AACS: variants seen among roughly 807,000 people sequenced by gnomAD.
AACS encodes acetoacetyl-CoA synthetase, also known as acetoacetate-CoA ligase.
In AACS, 69 loss-of-function variants were observed where a neutral mutation model predicts 83.1. The ratio of observed to expected loss-of-function variants is 0.83; its 90% CI spans 0.68 to 1.01. The LOEUF is 1.01. Among genes scored for constraint, AACS ranks in the 50% least tolerant of loss-of-function variants. AACS has a pLI of 0.00. For missense variants in AACS, 866 were observed against 882.2 expected, an observed-to-expected ratio of 0.98 and a Z score of 0.23; for synonymous variants, 333 against 343.4, an observed-to-expected ratio of 0.97 and a Z score of 0.33.
At chr12:125,115,998 T>C (rs184570507) in intron 9 of AACS, among the ~76,000 whole-genome samples, 99 of 152,250 alleles carry the variant, frequency 6.5e-4, no homozygotes, top group Admixed American at 1.6e-3. Flanking sequence ...CCCTCCCTGC[T>C]CTCTGTGACC....
chr12:125,140,636 G>A lies in AACS; in HGVS notation c.1882-1456G>A, dbSNP rs1486258952. On this transcript the variant is annotated intron_variant, in intron 17 of 17. Transcript: ENST00000316519. The surrounding 1 kb of genome is among the most constrained non-coding windows in gnomAD (Gnocchi z 5.1). ...AAAAAAAAAAAAGGCGCCAGTGATC[G>A]AGGACTCGTCACTGGGCTCTGTTGC... 6.6e-6 allele frequency: 1 copy of A among 151,062 alleles called. No homozygotes were observed. The highest frequency in any genetic ancestry group is 1.5e-5 in the Non-Finnish European group (1 of 67,904). 9.4% of individuals were successfully genotyped at this position (151,062 alleles called of 1,614,324 possible).
At chr12:125,099,534 C>A (rs565169575) in intron 5 of AACS, among the ~76,000 whole-genome samples, 2 of 152,302 alleles carry the variant, frequency 1.3e-5, no homozygotes, top group South Asian at 4.1e-4. Flanking sequence ...CATGCTTCAG[C>A]TTAGTCACCT....
At chr12:125,115,615 C>A (rs891378105) in intron 9 of AACS, among the ~76,000 whole-genome samples, 7 of 152,184 alleles carry the variant, frequency 4.6e-5, no homozygotes, top group Non-Finnish European at 8.8e-5. Flanking sequence ...CCTGTGAGGT[C>A]AATGCCCAGG....
At chr12:125,128,310 G>C (rs758231320) in intron 13 of AACS, 36 bp downstream of exon 13, 90 of 1,578,346 alleles carry the variant, frequency 5.7e-5, no homozygotes, top group African/African-American at 1.3e-5. Context: ...TCTGTGATTA[G>C]GCGTGAGTTG....
intron 14 of AACS, among the ~76,000 whole-genome samples, chr12:125,133,422 C>T (rs1417667469): frequency 1.3e-5 from 2 of 152,236 alleles, no homozygotes; most frequent in Non-Finnish European, 2.9e-5. Flanking sequence ...CACTGTGTTG[C>T]TGTCATCCCT....
chr12:125,066,064 G>T (rs1360631832), intron 1 of AACS, among the ~76,000 whole-genome samples: 1 of 152,142 alleles, frequency 6.6e-6, no homozygotes, highest in Non-Finnish European at 1.5e-5. Flanking sequence ...CGGCCTGTGG[G>T]GGCTTCCCCC....
At chr12:125,110,896 C>A (rs150568314) in intron 8 of AACS, among the ~76,000 whole-genome samples, 1 of 152,274 alleles carries the variant, frequency 6.6e-6, no homozygotes, top group Non-Finnish European at 1.5e-5. Context: ...GTATTTTCAT[C>A]AGAATGTGGA....
Position 125,065,467 on chromosome 12 carries a change from C to A in AACS, c.-118C>A. ...TGTTCCCCGCCGCCGCCGTCGCTGACCCAGCCCGCCAGGCGCTCCTGACCG... is the reference window on the plus strand; with the variant it reads ...TGTTCCCCGCCGCCGCCGTCGCTGAACCAGCCCGCCAGGCGCTCCTGACCG... On this transcript the variant is annotated 5_prime_UTR_variant, in exon 1 of 18. Coordinates refer to ENST00000316519, the MANE Select transcript of AACS (RefSeq NM_023928.5). 1 of 1,162,378 alleles carries A rather than the reference C, an allele frequency of 8.6e-7. No homozygotes were observed. The allele number at this position is 1,162,378 out of a possible 1,614,324, so 72.0% of individuals were successfully genotyped here. A position where few individuals can be genotyped will look rare whatever the true frequency, so the allele number is the denominator to read the frequency against.
intron 2 of AACS, among the ~76,000 whole-genome samples, chr12:125,075,437 G>A (rs191221318): frequency 1.5e-3 from 214 of 147,392 alleles, no homozygotes; most frequent in African/African-American, 5.1e-3. Context: ...GATTACAGGC[G>A]CCCGCCACCA....
At chr12:125,137,659 G>A (rs1402818240) in intron 17 of AACS, among the ~76,000 whole-genome samples, 2 of 152,174 alleles carry the variant, frequency 1.3e-5, no homozygotes, top group Non-Finnish European at 2.9e-5. Context: ...GGGAGGAGGA[G>A]GGTCACCCAA....
chr12:125,116,760 C>T (rs970916914), intron 9 of AACS, among the ~76,000 whole-genome samples: 6 of 152,058 alleles, frequency 3.9e-5, no homozygotes, highest in Admixed American at 6.6e-5. Context: ...CCACCGCGCC[C>T]GGCCTCCCGA....
chr12:125,134,676 G>A (rs1308826224), intron 15 of AACS, 118 bp from the exon 16 acceptor site: 50 of 1,105,784 alleles, frequency 4.5e-5, no homozygotes, highest in Non-Finnish European at 6.0e-5. Context: ...CGGAGTGTCC[G>A]TGACTAGTCC....
intron 3 of AACS, among the ~76,000 whole-genome samples, chr12:125,079,490 T>C (rs973541578): frequency 6.6e-6 from 1 of 152,008 alleles, no homozygotes; most frequent in African/African-American, 2.4e-5. Flanking sequence ...CAAGCGATCC[T>C]CCCACCTTAG....
At chr12:125,126,583 T>TC (rs1957248343) in intron 12 of AACS, 1 of 152,046 alleles carries the variant, frequency 6.6e-6, no homozygotes, top group Non-Finnish European at 1.5e-5. Flanking sequence ...GGGTCAGTTT[T>TC]TTTTTTTTTT....
rs980291025 is a variant in AACS at position 125,088,377 on chromosome 12, C to T, written c.472+1934C>T. Among the ~76,000 whole-genome samples, 17 of 151,970 alleles carry T rather than the reference C, an allele frequency of 1.1e-4. 1 individual carries two copies. The highest frequency in any genetic ancestry group is 2.9e-5 in the Non-Finnish European group (2 of 68,014). ...CCTCCTGAGTAGCTGGGACTACAGG[C>T]ACGTGCCACCATGCCTGGCTAATTT... is the stretch of plus-strand genomic sequence containing the variant. On this transcript the variant is annotated intron_variant, in intron 4 of 17. Coordinates refer to ENST00000316519, the MANE Select transcript of AACS (RefSeq NM_023928.5).
intron 4 of AACS, among the ~76,000 whole-genome samples, chr12:125,087,783 T>C (rs1485205163): frequency 1.3e-5 from 2 of 152,210 alleles, no homozygotes; most frequent in Non-Finnish European, 2.9e-5. Context: ...CAGGCCCCAC[T>C]ACCCTGCCCC....
At position 125,134,777 on chromosome 12, in the gene AACS, C is replaced by A; in HGVS notation, c.1620-17C>A. On this transcript the variant is annotated splice_polypyrimidine_tract_variant and intron_variant, in intron 15 of 17. Coordinates refer to ENST00000316519, the MANE Select transcript of AACS (RefSeq NM_023928.5). ...TCCAGAGCTGCGGTGTGGCCCTGAC[C>A]TCTTCTCTCTTTCCAGTGACGGCAC... The A allele has an allele frequency of 6.8e-6, 11 of 1,614,166 alleles. No individual in the cohort carries two copies. Among genetic ancestry groups the A allele is most frequent in the Non-Finnish European group, 9.3e-6 (11 of 1,180,028 alleles).
chr12:125,089,073 A>G (rs961996253), intron 4 of AACS, among the ~76,000 whole-genome samples: 6 of 152,178 alleles, frequency 3.9e-5, no homozygotes, highest in African/African-American at 1.4e-4. Context: ...TGTCAGCCAC[A>G]TGGAGTCAGA....
intron 10 of AACS, among the ~76,000 whole-genome samples, chr12:125,119,131 G>A (rs1268652946): frequency 1.3e-5 from 2 of 152,178 alleles, no homozygotes; most frequent in Admixed American, 6.5e-5. Flanking sequence ...CTGTGTATAC[G>A]TATAGTGAAA....
Sources: gnomAD v4.1 joint callset for allele counts (sites outside exome capture counted in the v4.1 genomes callset) on GRCh38, gnomAD v4.1.1 for gene constraint, Gnocchi (gnomAD v3.1) non-coding constraint, MANE v1.5 for transcripts, NCBI Gene and HGNC (gene_info 2026-07-23, HGNC 2026-07-21) for gene names.